Variants in TPM1 observed in about 807,000 individuals in gnomAD.
TPM1 encodes the protein tropomyosin alpha-1 chain.
Under a neutral mutation model 42.9 loss-of-function variants are expected in TPM1, and 24 were observed. The ratio of observed to expected loss-of-function variants is 0.56; its 90% CI spans 0.41 to 0.79. The LOEUF is 0.79. Among genes scored for constraint, TPM1 ranks in the 30% least tolerant of loss-of-function variants. TPM1 has a pLI of 0.00. For synonymous variants in TPM1, 136 were observed against 130.1 expected (o/e 1.05, Z -0.31); for missense variants, 158 against 351.8 (o/e 0.45, Z 4.41).
chr15:63,071,025 T>C (rs2036580710), downstream of TPM1: 1 of 1,609,366 alleles, frequency 6.2e-7, no homozygotes, highest in Non-Finnish European at 8.5e-7. Flanking sequence ...CCTGCCTAAA[T>C]GTACAAACCA....
chr15:63,070,139 T>C, downstream of TPM1: 2 of 1,438,680 alleles, frequency 1.4e-6, no homozygotes, highest in South Asian at 2.8e-5. Context: ...TTCTCTTTAA[T>C]CACAAAACAG....
At chr15:63,062,337 C>T (rs2035749655) in intron 7 of TPM1, 60 bp downstream of exon 7, 4 of 1,518,516 alleles carry the variant, frequency 2.6e-6, no homozygotes, top group Non-Finnish European at 3.7e-6. Context: ...TTTCATGGAA[C>T]CGGTCAGGGC....
intron 2 of TPM1, among the ~76,000 whole-genome samples, chr15:63,054,921 C>T (rs1041842572): frequency 1.3e-5 from 2 of 150,888 alleles, no homozygotes; most frequent in Non-Finnish European, 2.9e-5. Context: ...CCCCCACCCT[C>T]AAAAGGAATA....
At chr15:63,065,728 G>A (rs2036205995) in intron 9 of TPM1, 168 bp from the exon 10 acceptor site, 1 of 906,222 alleles carries the variant, frequency 1.1e-6, no homozygotes, top group Non-Finnish European at 1.3e-6. Flanking sequence ...ACGGCCTCAG[G>A]TGGGAAGATG....
intron 2 of TPM1, among the ~76,000 whole-genome samples, chr15:63,055,482 TG>T (rs2034634700): frequency 6.6e-6 from 1 of 152,242 alleles, no homozygotes; most frequent in Non-Finnish European, 1.5e-5. Flanking sequence ...TTTCCAACTC[TG>T]TATTGTGGAT....
intron 1 of TPM1, chr15:63,043,602 C>T (rs905654597): frequency 9.2e-5 from 139 of 1,509,840 alleles, no homozygotes; most frequent in Middle Eastern, 2.3e-4. Context: ...AACTCGGCGG[C>T]GCCCCGAGCC....
Position 63,044,146 on chromosome 15 carries a change from C to T in TPM1, c.234C>T (p.Ala78=). 1 of 1,614,232 alleles carries T rather than the reference C, an allele frequency of 6.2e-7. No homozygotes were observed. The highest frequency in any genetic ancestry group is 2.2e-5 in the East Asian group (1 of 44,886). Residue 78 remains alanine, a synonymous_variant, in exon 2 of 10, where the codon GCC becomes GCT. Transcript: ENST00000403994. ...AGCTGGAGCTGGCAGAGAAAAAGGC[C>T]ACCGATGTAAGTGCACGCTCACACT... ...QEKLELAEKK[A]TDAEADVASL...
rs1281731313 is a variant in TPM1 at position 63,056,979 on chromosome 15, A to C, written c.241-6A>C. ...AACTCTGAAATGCTTTTCACTCTCT[A>C]CCTAGGCTGAAGCCGACGTAGCTTC... On this transcript the variant is annotated splice_region_variant and splice_polypyrimidine_tract_variant and intron_variant, in intron 2 of 9. Transcript: ENST00000403994. 4 of 1,614,062 alleles carry C rather than the reference A, an allele frequency of 2.5e-6. No homozygotes were observed. The highest frequency in any genetic ancestry group is 3.4e-6 in the Non-Finnish European group (4 of 1,179,996).
At chr15:63,053,800 G>T (rs913169926) in intron 2 of TPM1, among the ~76,000 whole-genome samples, 1 of 150,200 alleles carries the variant, frequency 6.7e-6, no homozygotes, top group Admixed American at 6.7e-5. Context: ...TCCTGCCTCA[G>T]CCTCCTGAGT....
intron 2 of TPM1, among the ~76,000 whole-genome samples, chr15:63,053,465 G>C (rs2034261328): frequency 6.6e-6 from 1 of 152,132 alleles, no homozygotes; most frequent in Non-Finnish European, 1.5e-5. Flanking sequence ...TCTTAATCCT[G>C]TCTCACACTG....
intron 3 of TPM1, among the ~76,000 whole-genome samples, 164 bp from the exon 4 acceptor site, chr15:63,059,399 T>G (rs2035278080): frequency 6.6e-6 from 1 of 152,198 alleles, no homozygotes; most frequent in South Asian, 2.1e-4. Flanking sequence ...TTTTTCCACC[T>G]TTAGCTCTGG....
rs1566964956 is a variant in TPM1 at position 63,061,223 on chromosome 15, T to C, written c.563+284T>C. On this transcript the variant is annotated intron_variant, in intron 5 of 9. Coordinates refer to ENST00000403994, the MANE Select transcript of TPM1 (RefSeq NM_001018005.2). ...CCAAGTCCGACAGCTGGAAGAACAA[T>C]TAAGAATAATGGATCAGACCTTGAA... 2 of 1,614,158 alleles carry C rather than the reference T, an allele frequency of 1.2e-6. No individual in the cohort carries two copies. The highest frequency in any genetic ancestry group is 1.7e-6 in the Non-Finnish European group (2 of 1,180,028).
intron 4 of TPM1, 139 bp downstream of exon 4, chr15:63,059,819 C>T: frequency 1.6e-6 from 1 of 620,586 alleles, no homozygotes; most frequent in South Asian, 1.5e-5. Flanking sequence ...AGCAGAGTTC[C>T]TTTGTGTCCA....
At chr15:63,053,775 G>A (rs1311751717) in intron 2 of TPM1, among the ~76,000 whole-genome samples, 4 of 148,858 alleles carry the variant, frequency 2.7e-5, no homozygotes, top group African/African-American at 5.0e-5. Context: ...TCTGCCTCCC[G>A]GGTTCAAGCA....
chr15:63,067,441 T>G (rs2036345109), downstream of TPM1, among the ~76,000 whole-genome samples: 1 of 152,216 alleles, frequency 6.6e-6, no homozygotes, highest in African/African-American at 2.4e-5. Flanking sequence ...AAATTCAGAA[T>G]AAGAGAAGTG....
At chr15:63,044,274 C>G (rs2031911940) in intron 2 of TPM1, 122 bp downstream of exon 2, 3 of 1,448,758 alleles carry the variant, frequency 2.1e-6, no homozygotes, top group Non-Finnish European at 2.9e-6. Flanking sequence ...GCACACAGCC[C>G]TGCCATGGCC....
rs1566958667 is a variant in TPM1 at position 63,057,097 on chromosome 15, AG to A, written c.355del (p.Ala119GlnfsTer9). ...TTGCAGAAGCTGGAGGAAGCTGAGAAGGCAGCAGATGAGAGTGAGAGGTGAG... is the reference window on the plus strand; with the variant it reads ...TTGCAGAAGCTGGAGGAAGCTGAGAAGCAGCAGATGAGAGTGAGAGGTGAG... ...TALQKLEEAE[K>X]AADESERGMK... On this transcript the variant is annotated frameshift_variant, in exon 3 of 10. Transcript: ENST00000403994. LOFTEE classifies it high-confidence loss of function. 6.2e-7 allele frequency: 1 copy of A among 1,614,244 alleles called. No homozygotes were observed.
At position 63,048,593 on chromosome 15, in the gene TPM1, G is replaced by T. The variant is rs1224059648; in HGVS notation, c.240+4441G>T. 3 of 1,530,678 alleles carry T rather than the reference G, an allele frequency of 2.0e-6. No homozygotes were observed. The East Asian group carries it at 7.6e-5, about 39-fold the overall frequency. 94.8% of individuals were successfully genotyped at this position (1,530,678 alleles called of 1,614,324 possible). On this transcript the variant is annotated intron_variant, in intron 2 of 9. Coordinates refer to ENST00000403994, the MANE Select transcript of TPM1 (RefSeq NM_001018005.2). ...CCGGCGCGATGGCGGGGAGTAGCTC[G>T]CTGGAGGCGGTGCGCAGGAAGATCC...
Position 63,063,831 on chromosome 15 carries a change from G to A in TPM1, c.773-233G>A, listed in dbSNP as rs150284424. On this transcript the variant is annotated intron_variant, in intron 8 of 9. Coordinates refer to ENST00000403994, the MANE Select transcript of TPM1 (RefSeq NM_001018005.2). The stretch of plus-strand genomic sequence containing the variant: ...ATATTTGTTAGGATTTTCATATTGA[G>A]TCTTTTTCATTTTATTTTCTAATGG... 1.7e-3 allele frequency: 931 copies of A among 543,812 alleles called. 5 individuals carry two copies. Among genetic ancestry groups the A allele is most frequent in the Non-Finnish European group, 8.2e-4 (257 of 312,244 alleles). 33.7% of individuals were successfully genotyped at this position (543,812 alleles called of 1,614,324 possible). A position where few individuals can be genotyped will look rare whatever the true frequency, so the allele number is the denominator to read the frequency against.
Sources: gnomAD v4.1 joint callset for allele counts (sites outside exome capture counted in the v4.1 genomes callset) on GRCh38, gnomAD v4.1.1 for gene constraint, MANE v1.5 for transcripts, NCBI Gene and HGNC (gene_info 2026-07-23, HGNC 2026-07-21) for gene names.